Variants in ROBO2 observed in about 807,000 individuals in gnomAD.
ROBO2 encodes the protein roundabout homolog 2.
In ROBO2, 53 loss-of-function variants were observed where a neutral mutation model predicts 160.8. That is an observed-to-expected ratio of 0.33 (90% CI 0.26 to 0.41). The LOEUF is 0.41. ROBO2 is among the 10% of genes least tolerant of loss of function. The pLI is 1.00. For synonymous variants in ROBO2, 664 were observed against 611.7 expected (o/e 1.09, Z -1.26); for missense variants, 1,577 against 1,722.4 (o/e 0.92, Z 1.49).
At chr3:76,911,313 G>A (rs2075978895) in intron 2 of ROBO2, among the ~76,000 whole-genome samples, 1 of 152,102 alleles carries the variant, frequency 6.6e-6, no homozygotes, top group South Asian at 2.1e-4. Flanking sequence ...AGTTTCTGAG[G>A]AATCTAATGC....
chr3:76,671,224 A>G (rs1305467901), intron 2 of ROBO2, among the ~76,000 whole-genome samples: 1 of 152,122 alleles, frequency 6.6e-6, no homozygotes, highest in East Asian at 1.9e-4. Context: ...TGAAAAGTCA[A>G]TGGAAGACAT....
intron 15 of ROBO2, among the ~76,000 whole-genome samples, 156 bp from the exon 17 acceptor site, chr3:77,579,791 G>T (rs1413541760): frequency 6.6e-6 from 1 of 152,140 alleles, no homozygotes; most frequent in Non-Finnish European, 1.5e-5. Context: ...CACTCAAACT[G>T]CAGAGGTTGG....
intron 2 of ROBO2, among the ~76,000 whole-genome samples, chr3:77,224,556 C>T (rs369829478): frequency 6.6e-6 from 1 of 151,764 alleles, no homozygotes; most frequent in Non-Finnish European, 1.5e-5. Context: ...TATTAATGAT[C>T]GTTGTATTTA....
At chr3:76,559,739 G>A (rs2084043428) in intron 2 of ROBO2, among the ~76,000 whole-genome samples, 1 of 152,114 alleles carries the variant, frequency 6.6e-6, no homozygotes, top group Non-Finnish European at 1.5e-5. Context: ...ATATCAATTA[G>A]TGGAACAGGT....
chr3:77,617,692 G>A (rs774423792), exon 22 of ROBO2: 40 of 1,613,888 alleles, frequency 2.5e-5, no homozygotes, highest in South Asian at 1.2e-4. Flanking sequence ...CCATCCCCAC[G>A]GGAAGAGATG....
intron 2 of ROBO2, among the ~76,000 whole-genome samples, chr3:76,449,280 G>A (rs2077354496): frequency 6.6e-6 from 1 of 152,070 alleles, no homozygotes; most frequent in African/African-American, 2.4e-5. Context: ...TGAAGTGTAT[G>A]AGCTAAATTG....
intron 2 of ROBO2, among the ~76,000 whole-genome samples, chr3:76,025,782 C>T (rs754719477): frequency 3.3e-5 from 5 of 151,778 alleles, no homozygotes; most frequent in Non-Finnish European, 5.9e-5. Context: ...TAATGTCTGG[C>T]TCCTAGTCAC....
intron 2 of ROBO2, among the ~76,000 whole-genome samples, chr3:76,734,610 C>T (rs2093681909): frequency 6.6e-6 from 1 of 152,136 alleles, no homozygotes; most frequent in East Asian, 1.9e-4. Context: ...ACCGCCTTGG[C>T]TCAGGTCTAG....
At chr3:76,973,292 A>G (rs1168782344) in intron 2 of ROBO2, among the ~76,000 whole-genome samples, 1 of 152,200 alleles carries the variant, frequency 6.6e-6, no homozygotes. Context: ...AACATGCTTC[A>G]GTAGTCCACT....
intron 2 of ROBO2, among the ~76,000 whole-genome samples, chr3:76,623,556 A>G (rs2089387392): frequency 1.3e-5 from 2 of 152,178 alleles, no homozygotes; most frequent in Admixed American, 1.3e-4. Flanking sequence ...AAGGATTTAA[A>G]ATGTGTCTGA....
At chr3:76,099,892 A>C (rs1461817571) in intron 2 of ROBO2, among the ~76,000 whole-genome samples, 5 of 152,126 alleles carry the variant, frequency 3.3e-5, no homozygotes, top group Non-Finnish European at 2.9e-5. Flanking sequence ...TGGATTCTCC[A>C]CTTGATATAT....
rs66489028 is a variant in ROBO2, at chr3:76,038,767, CGTGTGTGT to C, written c.109+101182_109+101189del. Among the ~76,000 whole-genome samples the C allele has an allele frequency of 8.8e-5, 13 of 148,326 alleles. No individual in the cohort carries two copies. The South Asian group carries it at 1.7e-3, about 19-fold the overall frequency. On this transcript the variant is annotated intron_variant, in intron 2 of 26. Coordinates refer to the ROBO2 transcript ENST00000487694. ...CCAACTGGTAGCACATGGAAAACTG[CGTGTGTGT>C]GTGTGTGTGTGTGTGTATGTATGTG...
At position 76,132,403 on chromosome 3, in the gene ROBO2, G is replaced by A. The variant is rs1008548567; in HGVS notation, c.109+194801G>A. On this transcript the variant is annotated intron_variant, in intron 2 of 26. Transcript: ENST00000487694. ...CCAAATTCCAGACTGTTGGGGGGGGGGGGGGACGCAGATGTTCAGCATAAA... is the reference window on the plus strand; with the variant it reads ...CCAAATTCCAGACTGTTGGGGGGGGAGGGGGACGCAGATGTTCAGCATAAA... Among the ~76,000 whole-genome samples the A allele has an allele frequency of 6.6e-5, 9 of 136,422 alleles. 2 individuals are homozygous for A. Among genetic ancestry groups the A allele is most frequent in the Admixed American group, 2.9e-4 (4 of 13,824 alleles). The allele number at this position is 136,422 out of a possible 152,430, so 89.5% of individuals were successfully genotyped here. A position where few individuals can be genotyped will look rare whatever the true frequency, so the allele number is the denominator to read the frequency against.
chr3:77,116,867 T>C (rs1033152701), intron 2 of ROBO2, among the ~76,000 whole-genome samples: 28 of 152,194 alleles, frequency 1.8e-4, no homozygotes, highest in African/African-American at 6.5e-4. Context: ...GATAGAAAAT[T>C]ACTGATGGAT....
At position 76,216,600 on chromosome 3, in the gene ROBO2, G is replaced by C. The variant is rs531571291; in HGVS notation, c.109+278998G>C. 5.9e-5 allele frequency among the ~76,000 whole-genome samples: 9 copies of C among 152,278 alleles called. No individual in the cohort carries two copies. In the South Asian group the frequency reaches 1.9e-3, roughly 32 times the overall value. On this transcript the variant is annotated intron_variant, in intron 2 of 26. Coordinates refer to the ROBO2 transcript ENST00000487694. ...AATGGTAAAGGGATCAATTCAACAA[G>C]AAGAGCTAACTCTCCTAAATATATA...
At chr3:76,818,084 C>G (rs1264002040) in intron 2 of ROBO2, among the ~76,000 whole-genome samples, 2 of 152,000 alleles carry the variant, frequency 1.3e-5, no homozygotes, top group African/African-American at 2.4e-5. Context: ...ACACTGTTTT[C>G]CATAGTGGTT....
intron 2 of ROBO2, among the ~76,000 whole-genome samples, chr3:76,252,794 G>T (rs960840817): frequency 6.8e-6 from 1 of 147,796 alleles, no homozygotes; most frequent in African/African-American, 2.5e-5. Context: ...CACACACACA[G>T]AGTTTTTTTG....
intron 2 of ROBO2, among the ~76,000 whole-genome samples, chr3:76,928,620 C>T (rs1467322765): frequency 6.6e-6 from 1 of 152,068 alleles, no homozygotes; most frequent in African/African-American, 2.4e-5. Flanking sequence ...TATTGTCCGA[C>T]TCCATCCTTT....
intron 2 of ROBO2, among the ~76,000 whole-genome samples, chr3:77,316,443 T>C (rs920590689): frequency 2.6e-5 from 4 of 152,152 alleles, no homozygotes; most frequent in African/African-American, 9.7e-5. Context: ...TTACTCAATA[T>C]GAATTTACAA....
Sources: allele counts gnomAD v4.1 joint callset (sites outside exome capture counted in the v4.1 genomes callset), GRCh38; gene constraint gnomAD v4.1.1; transcripts MANE v1.5; gene names NCBI Gene and HGNC (gene_info 2026-07-23, HGNC 2026-07-21).